SCD: variants seen among roughly 807,000 people sequenced by gnomAD.
SCD encodes stearoyl-CoA desaturase.
A neutral mutation model predicts 35.7 loss-of-function variants in SCD; 4 were observed. That is an observed-to-expected ratio of 0.11 (90% CI 0.06 to 0.26). SCD has a LOEUF of 0.26. Among genes scored for constraint, SCD ranks in the 10% least tolerant of loss-of-function variants. The pLI is 1.00. For missense variants in SCD, 282 were observed against 460.7 expected (o/e 0.61, Z 3.55); for synonymous variants, 150 against 170.2 (o/e 0.88, Z 0.92).
chr10:100,355,074 G>A (rs905798159), intron 4 of SCD, among the ~76,000 whole-genome samples: 2 of 152,170 alleles, frequency 1.3e-5, no homozygotes, highest in Non-Finnish European at 2.9e-5. Context: ...GGGACTACAG[G>A]CACACACCGC....
In SCD at chr10:100,347,528, C is replaced by A; in HGVS notation, c.24C>A (p.Asp8Glu). ...AGATGCCGGCCCACTTGCTGCAGGA[C>A]GATGTGAGTTTCCCAGCCTGGCCCC... MPAHLLQ[D>E]DISSSYTTTT... Residue 8 changes from aspartate to glutamate, a missense_variant, in exon 1 of 6, where the codon GAC becomes GAA. Physicochemically the swap from Asp to Glu is conservative, Grantham distance 45. Transcript: ENST00000370355. 1 of 1,614,018 alleles carries A rather than the reference C, an allele frequency of 6.2e-7. No homozygotes were observed. The highest frequency in any genetic ancestry group is 8.5e-7 in the Non-Finnish European group (1 of 1,180,002).
intron 5 of SCD, among the ~76,000 whole-genome samples, chr10:100,357,132 G>A (rs1849936479): frequency 6.6e-6 from 1 of 152,130 alleles, no homozygotes; most frequent in Non-Finnish European, 1.5e-5. Context: ...TGGCCAACAC[G>A]GTGAAACCCT....
At chr10:100,349,963 C>T (rs1458139253) in intron 2 of SCD, among the ~76,000 whole-genome samples, 2 of 152,066 alleles carry the variant, frequency 1.3e-5, no homozygotes, top group Non-Finnish European at 1.5e-5. Context: ...CTCAGCACCC[C>T]CTGTAGGTTT....
Position 100,363,618 on chromosome 10 carries a change from G to A in SCD, c.*2685G>A, listed in dbSNP as rs1256839112. On this transcript the variant is annotated 3_prime_UTR_variant, in exon 6 of 6. Transcript: ENST00000370355. ...AAAACAACTTTCACTTCTTCCTATTGTAATCGTGTGCCATGGATCTGATCT... is the reference window on the plus strand; with the variant it reads ...AAAACAACTTTCACTTCTTCCTATTATAATCGTGTGCCATGGATCTGATCT... 1.3e-5 allele frequency: 2 copies of A among 152,176 alleles called. No individual in the cohort carries two copies. The highest frequency in any genetic ancestry group is 1.3e-4 in the Admixed American group (2 of 15,270). The allele number at this position is 152,176 out of a possible 1,614,324, so 9.4% of individuals were successfully genotyped here. A position where few individuals can be genotyped will look rare whatever the true frequency, so the allele number is the denominator to read the frequency against.
At position 100,354,413 on chromosome 10, in the gene SCD, C is replaced by T; in HGVS notation, c.442-14C>T. On this transcript the variant is annotated splice_polypyrimidine_tract_variant and intron_variant, in intron 3 of 5. Transcript: ENST00000370355. ...TATCCTCAAGCCTTACATTCCTCTT[C>T]TCTCTCTCCCCAGAATGATGTCTAT... 1.2e-6 allele frequency: 2 copies of T among 1,608,524 alleles called. No homozygotes were observed. Among genetic ancestry groups the T allele is most frequent in the Non-Finnish European group, 1.7e-6 (2 of 1,175,090 alleles).
At position 100,362,226 on chromosome 10, in the gene SCD, T is replaced by C. The variant is rs1180692111; in HGVS notation, c.*1293T>C. The C allele has an allele frequency of 3.3e-5, 5 of 152,200 alleles. No individual in the cohort carries two copies. 9.4% of individuals were successfully genotyped at this position (152,200 alleles called of 1,614,324 possible). On this transcript the variant is annotated 3_prime_UTR_variant, in exon 6 of 6. Transcript: ENST00000370355. Reference sequence around the variant, plus strand: ...ACATAGGAAGGGATCTGAGAACACGTTGCCAGGGGCTTGAGAAGGTTACTG... The same window carrying C: ...ACATAGGAAGGGATCTGAGAACACGCTGCCAGGGGCTTGAGAAGGTTACTG...
At position 100,364,296 on chromosome 10, in the gene SCD, A is replaced by G. The variant is rs200588773; in HGVS notation, c.*3363A>G. 1 of 152,496 alleles carries G rather than the reference A, an allele frequency of 6.6e-6. No homozygotes were observed. The highest frequency in any genetic ancestry group is 1.9e-4 in the East Asian group (1 of 5,200). The allele number at this position is 152,496 out of a possible 1,614,324, so 9.4% of individuals were successfully genotyped here. A position where few individuals can be genotyped will look rare whatever the true frequency, so the allele number is the denominator to read the frequency against. The stretch of plus-strand genomic sequence containing the variant: ...GGTGGTTAAGGCCAGGGCCTCTCCA[A>G]CCACTGTGCCACTGACTTGCTGTGT... On this transcript the variant is annotated 3_prime_UTR_variant, in exon 6 of 6. Transcript: ENST00000370355.
At chr10:100,360,595 T>C (rs1012935689) in intron 5 of SCD, 139 bp from the exon 6 acceptor site, 5 of 692,736 alleles carry the variant, frequency 7.2e-6, no homozygotes, top group Admixed American at 2.6e-5. Flanking sequence ...GTTTGGTTCA[T>C]ATTAAAAGAG....
rs7849 is a variant in SCD at position 100,362,846 on chromosome 10, T to C, written c.*1913T>C. Reference sequence around the variant, plus strand: ...GAGGCACAGCCAAGCCAAGCGCTCATGTTGAGCCAGTGGGCCAGCCACAGA... The same window carrying C: ...GAGGCACAGCCAAGCCAAGCGCTCACGTTGAGCCAGTGGGCCAGCCACAGA... On this transcript the variant is annotated 3_prime_UTR_variant, in exon 6 of 6. Transcript: ENST00000370355. 0.24 allele frequency: 36,913 copies of C among 152,176 alleles called. 5,374 individuals carry two copies. Among genetic ancestry groups the C allele is most frequent in the African/African-American group, 0.4 (16,408 of 41,464 alleles). The allele number at this position is 152,176 out of a possible 1,614,324, so 9.4% of individuals were successfully genotyped here.
At chr10:100,348,598 G>C (rs1485791890) in intron 2 of SCD, among the ~76,000 whole-genome samples, 1 of 145,812 alleles carries the variant, frequency 6.9e-6, no homozygotes, top group Non-Finnish European at 1.5e-5. Flanking sequence ...TGCTGTGCTG[G>C]AGAGTCAGCT....
rs1218785334 is a variant in SCD at position 100,364,239 on chromosome 10, A to T, written c.*3306A>T. 6.6e-6 allele frequency: 1 copy of T among 152,062 alleles called. No homozygotes were observed. Among genetic ancestry groups the T allele is most frequent in the Non-Finnish European group, 1.5e-5 (1 of 68,022 alleles). 9.4% of individuals were successfully genotyped at this position (152,062 alleles called of 1,614,324 possible). On this transcript the variant is annotated 3_prime_UTR_variant, in exon 6 of 6. Coordinates refer to ENST00000370355, the MANE Select transcript of SCD (RefSeq NM_005063.5). Reference sequence around the variant, plus strand: ...TGTAGCTCAAATAGGTCATCATGAAAGGTTAAAAAAGCGAGGTGGCCATGT... The same window carrying T: ...TGTAGCTCAAATAGGTCATCATGAATGGTTAAAAAAGCGAGGTGGCCATGT...
At chr10:100,349,235 G>A (rs1390705005) in intron 2 of SCD, among the ~76,000 whole-genome samples, 1 of 152,226 alleles carries the variant, frequency 6.6e-6, no homozygotes, top group Non-Finnish European at 1.5e-5. Flanking sequence ...CCTTAGCTCA[G>A]CTCTTTCAGG....
At chr10:100,347,571 G>A (rs752166012) in intron 1 of SCD, 40 bp downstream of exon 1, 3 of 1,612,384 alleles carry the variant, frequency 1.9e-6, no homozygotes, top group Non-Finnish European at 8.5e-7. Context: ...CGGGTCGCAG[G>A]CGCGGGCTGG....
chr10:100,347,433 C>A lies in SCD; in HGVS notation c.-72C>A. On this transcript the variant is annotated 5_prime_UTR_variant, in exon 1 of 6. Coordinates refer to ENST00000370355, the MANE Select transcript of SCD (RefSeq NM_005063.5). ...TACCGGCGGGCTTCGAAACCGCAGT[C>A]CTCCGGCGACCCCGAACTCCGCTCC... 6.5e-7 allele frequency: 1 copy of A among 1,542,158 alleles called. No individual in the cohort carries two copies. The highest frequency in any genetic ancestry group is 8.8e-7 in the Non-Finnish European group (1 of 1,131,392).
At chr10:100,353,954 T>C (rs576487426) in intron 3 of SCD, among the ~76,000 whole-genome samples, 1 of 152,334 alleles carries the variant, frequency 6.6e-6, no homozygotes, top group South Asian at 2.1e-4. Context: ...GTTATTGGGT[T>C]GTATGAGCTC....
Position 100,353,338 on chromosome 10 carries a change from A to C in SCD, c.441+842A>C, listed in dbSNP as rs564614757. ...CGGTGGCTCACGCCTGTAATCTCAG[A>C]ACTTTGGGAGGCCGAGGTGGGCAGA... On this transcript the variant is annotated intron_variant, in intron 3 of 5. Coordinates refer to ENST00000370355, the MANE Select transcript of SCD (RefSeq NM_005063.5). Among the ~76,000 whole-genome samples, 17 of 152,178 alleles carry C rather than the reference A, an allele frequency of 1.1e-4. No homozygotes were observed. The South Asian group carries it at 3.3e-3, about 30-fold the overall frequency.
chr10:100,353,517 A>G (rs773765601), intron 3 of SCD, among the ~76,000 whole-genome samples: 2 of 150,690 alleles, frequency 1.3e-5, no homozygotes, highest in Non-Finnish European at 3.0e-5. Context: ...CCTGGGAGGC[A>G]GAGCTTGCAG....
chr10:100,361,654 A>T lies in SCD; in HGVS notation c.*721A>T, dbSNP rs1421350339. 1 of 152,264 alleles carries T rather than the reference A, an allele frequency of 6.6e-6. No individual in the cohort carries two copies. Among genetic ancestry groups the T allele is most frequent in the Non-Finnish European group, 1.5e-5 (1 of 68,058 alleles). The allele number at this position is 152,264 out of a possible 1,614,324, so 9.4% of individuals were successfully genotyped here. A position where few individuals can be genotyped will look rare whatever the true frequency, so the allele number is the denominator to read the frequency against. The stretch of plus-strand genomic sequence containing the variant: ...GTGGCTGCGGTGTTTGGCAATGCTA[A>T]TTCAATGCCGCAACATATAGTTGAG... On this transcript the variant is annotated 3_prime_UTR_variant, in exon 6 of 6. Coordinates refer to ENST00000370355, the MANE Select transcript of SCD (RefSeq NM_005063.5).
In SCD at chr10:100,352,459, G is replaced by A. The variant is rs145182376; in HGVS notation, c.404G>A (p.Arg135Gln). 2.5e-5 allele frequency: 40 copies of A among 1,613,904 alleles called. No individual in the cohort carries two copies. Among genetic ancestry groups the A allele is most frequent in the Non-Finnish European group, 2.8e-5 (33 of 1,180,014 alleles). The change falls in exon 3 of 6, where the codon CGG becomes CAG. Residue 135 changes from arginine (R) to glutamine (Q), a missense_variant. This residue lies in a region of SCD where 205 missense variants were observed against 372.3 expected (regional missense o/e 0.55). Coordinates refer to ENST00000370355, the MANE Select transcript of SCD (RefSeq NM_005063.5). The surrounding 1 kb of genome is among the most constrained non-coding windows in gnomAD (Gnocchi z 4.2). The stretch of plus-strand genomic sequence containing the variant: ...TCTTACAAAGCTCGGCTGCCCCTAC[G>A]GCTCTTTCTGATCATTGCCAACACA... ...HRSYKARLPL[R>Q]LFLIIANTMA...
Sources: gnomAD v4.1 joint callset for allele counts (sites outside exome capture counted in the v4.1 genomes callset) on GRCh38, gnomAD v4.1.1 for gene constraint, gnomAD v4.1.1 regional missense constraint, Gnocchi (gnomAD v3.1) non-coding constraint, MANE v1.5 for transcripts, NCBI Gene and HGNC (gene_info 2026-07-23, HGNC 2026-07-21) for gene names.